Variants in NOS1AP observed in about 807,000 individuals in gnomAD.
NOS1AP encodes carboxyl-terminal PDZ ligand of neuronal nitric oxide synthase protein.
Under a neutral mutation model 56.2 loss-of-function variants are expected in NOS1AP, and 21 were observed. The observed-to-expected ratio is 0.37, with a 90% confidence interval of 0.26 to 0.54. The LOEUF is 0.54. NOS1AP is among the 20% of genes least tolerant of loss of function. The pLI is 0.84. For missense variants in NOS1AP, 522 were observed against 657.8 expected, an observed-to-expected ratio of 0.79 and a Z score of 2.26; for synonymous variants, 270 against 274.6, an observed-to-expected ratio of 0.98 and a Z score of 0.17.
rs164147 is a variant in NOS1AP, at chr1:162,368,607, A to C, written c.*1140A>C. ...CTCTGCGTGCGTGCCTTGAGCACAC[A>C]TATAAAAAGTGCCATGTGCAATTGT... On this transcript the variant is annotated 3_prime_UTR_variant, in exon 10 of 10. Coordinates refer to ENST00000361897, the MANE Select transcript of NOS1AP (RefSeq NM_014697.3). 0.76 allele frequency: 115,608 copies of C among 152,198 alleles called. 45,605 individuals carry two copies. Among genetic ancestry groups the C allele is most frequent in the Non-Finnish European group, 0.86 (58,187 of 68,026 alleles). 9.4% of individuals were successfully genotyped at this position (152,198 alleles called of 1,614,324 possible). A position where few individuals can be genotyped will look rare whatever the true frequency, so the allele number is the denominator to read the frequency against.
At chr1:162,077,202 G>A (rs758738439) in intron 1 of NOS1AP, among the ~76,000 whole-genome samples, 39 of 152,136 alleles carry the variant, frequency 2.6e-4, no homozygotes, top group Non-Finnish European at 4.9e-4. Context: ...CCAGCAGTGT[G>A]TTCATATCTT....
intron 6 of NOS1AP, among the ~76,000 whole-genome samples, chr1:162,348,761 G>A (rs2101812281): frequency 6.6e-6 from 1 of 152,186 alleles, no homozygotes; most frequent in Non-Finnish European, 1.5e-5. Context: ...TCGTGTAGGT[G>A]AGGAGAGGAC....
intron 2 of NOS1AP, among the ~76,000 whole-genome samples, chr1:162,207,317 G>A (rs1043225221): frequency 1.3e-5 from 2 of 152,150 alleles, no homozygotes; most frequent in African/African-American, 4.8e-5. Flanking sequence ...GTCTACCCAC[G>A]CGACACCTCC....
chr1:162,351,461 A>AGCCAG (rs1435160382), intron 6 of NOS1AP, among the ~76,000 whole-genome samples: 13 of 152,188 alleles, frequency 8.5e-5, no homozygotes, highest in African/African-American at 3.1e-4. Context: ...CCCCAAGCTC[A>AGCCAG]GCCAGGGCTA....
chr1:162,341,263 A>T (rs1004677928), intron 5 of NOS1AP, among the ~76,000 whole-genome samples: 2 of 152,194 alleles, frequency 1.3e-5, no homozygotes, highest in African/African-American at 2.4e-5. Flanking sequence ...CGTCCTCCTT[A>T]GGAAAACCTG....
At chr1:162,151,018 A>G (rs1309439414) in intron 1 of NOS1AP, among the ~76,000 whole-genome samples, 1 of 152,054 alleles carries the variant, frequency 6.6e-6, no homozygotes, top group African/African-American at 2.4e-5. Flanking sequence ...ATGGGGTATT[A>G]CTCAAGAAAT....
chr1:162,228,195 A>G (rs1228356014), intron 2 of NOS1AP, among the ~76,000 whole-genome samples: 2 of 152,232 alleles, frequency 1.3e-5, no homozygotes, highest in Non-Finnish European at 2.9e-5. Flanking sequence ...GGTTAGATTG[A>G]GAAGCTCTGA....
chr1:162,166,654 G>A (rs1442616245), intron 2 of NOS1AP, among the ~76,000 whole-genome samples: 3 of 152,168 alleles, frequency 2.0e-5, no homozygotes, highest in Non-Finnish European at 4.4e-5. Flanking sequence ...CTTTTTGAAG[G>A]CAGGGACTCT....
rs1417286758 is a variant in NOS1AP at position 162,367,313 on chromosome 1, A to C, written c.1367A>C (p.Lys456Thr). The C allele has an allele frequency of 1.9e-6, 3 of 1,613,270 alleles. No individual in the cohort carries two copies. The highest frequency in any genetic ancestry group is 2.5e-6 in the Non-Finnish European group (3 of 1,179,946). The change falls in exon 10 of 10, where the codon AAG (lysine) becomes ACG (threonine). Residue 456 changes from lysine to threonine, a missense_variant. Physicochemically the swap from Lys to Thr is moderately conservative, Grantham distance 78. This residue lies in a region of NOS1AP where 160 missense variants were observed against 180.3 expected (regional missense o/e 0.89). Transcript: ENST00000361897. The surrounding 1 kb of genome is among the most constrained non-coding windows in gnomAD (Gnocchi z 6.5). Reference protein sequence around the residue: ...EALLGGLELIKFRESGIASEY... With the variant: ...EALLGGLELITFRESGIASEY... ...CTCCTGGGCGGTCTGGAGCTCATCAAGTTCCGAGAGTCAGGCATCGCCTCG... is the reference window on the plus strand; with the variant it reads ...CTCCTGGGCGGTCTGGAGCTCATCACGTTCCGAGAGTCAGGCATCGCCTCG...
chr1:162,341,167 T>C (rs1448754642), intron 5 of NOS1AP, among the ~76,000 whole-genome samples: 1 of 152,228 alleles, frequency 6.6e-6, no homozygotes, highest in Non-Finnish European at 1.5e-5. Flanking sequence ...GGACATTTGT[T>C]TGAGGATCTT....
intron 2 of NOS1AP, among the ~76,000 whole-genome samples, chr1:162,230,410 C>T (rs1653085457): frequency 6.6e-6 from 1 of 152,142 alleles, no homozygotes; most frequent in Non-Finnish European, 1.5e-5. Context: ...ATGTTCAGAG[C>T]AGCTCAGTCC....
At chr1:162,099,111 C>A (rs761667886) in intron 1 of NOS1AP, among the ~76,000 whole-genome samples, 1 of 152,136 alleles carries the variant, frequency 6.6e-6, no homozygotes, top group Non-Finnish European at 1.5e-5. Context: ...AATGGCTGAA[C>A]TAATTTATAC....
At chr1:162,212,888 G>A (rs571144098) in intron 2 of NOS1AP, among the ~76,000 whole-genome samples, 1 of 152,308 alleles carries the variant, frequency 6.6e-6, no homozygotes, top group Non-Finnish European at 1.5e-5. Context: ...GGCACACGGC[G>A]GACCATGTCA....
chr1:162,276,037 T>C (rs568240762), intron 2 of NOS1AP, among the ~76,000 whole-genome samples: 1 of 152,354 alleles, frequency 6.6e-6, no homozygotes, highest in East Asian at 1.9e-4. Context: ...ATGGCTGTTT[T>C]TGTGCTGGAG....
intron 3 of NOS1AP, among the ~76,000 whole-genome samples, chr1:162,298,174 G>T (rs1655533462): frequency 1.3e-5 from 2 of 152,226 alleles, no homozygotes; most frequent in Non-Finnish European, 2.9e-5. Flanking sequence ...CCCTTGCTGG[G>T]CTGTAATGAG....
chr1:162,087,738 A>G (rs1247920424), intron 1 of NOS1AP, among the ~76,000 whole-genome samples: 1 of 152,164 alleles, frequency 6.6e-6, no homozygotes, highest in East Asian at 1.9e-4. Flanking sequence ...ATGCCCATGT[A>G]CTGGTTGACA....
chr1:162,171,069 C>T (rs1650757096), intron 2 of NOS1AP, among the ~76,000 whole-genome samples: 1 of 152,094 alleles, frequency 6.6e-6, no homozygotes, highest in Non-Finnish European at 1.5e-5. Context: ...CTCTGGGATG[C>T]CAACATGCTG....
intron 1 of NOS1AP, among the ~76,000 whole-genome samples, chr1:162,141,995 A>G (rs1649254268): frequency 6.6e-6 from 1 of 152,292 alleles, no homozygotes; most frequent in South Asian, 2.1e-4. Context: ...TTGTCCATTC[A>G]TTTGTTTGGT....
intron 1 of NOS1AP, among the ~76,000 whole-genome samples, chr1:162,138,761 G>T (rs919453646): frequency 1.3e-5 from 2 of 152,236 alleles, no homozygotes; most frequent in African/African-American, 4.8e-5. Context: ...CAAGGCTACA[G>T]GCAGCACCTG....
Sources: gnomAD v4.1 joint callset for allele counts (sites outside exome capture counted in the v4.1 genomes callset) on GRCh38, gnomAD v4.1.1 for gene constraint, gnomAD v4.1.1 regional missense constraint, Gnocchi (gnomAD v3.1) non-coding constraint, MANE v1.5 for transcripts, NCBI Gene and HGNC (gene_info 2026-07-23, HGNC 2026-07-21) for gene names.